Variants in SYNE2 observed in about 807,000 individuals in gnomAD.
The protein encoded by SYNE2 is nesprin-2.
A neutral mutation model predicts 856.3 loss-of-function variants in SYNE2; 431 were observed. That is an observed-to-expected ratio of 0.50 (90% CI 0.47 to 0.55). The LOEUF is 0.55. Among genes scored for constraint, SYNE2 ranks in the 20% least tolerant of loss-of-function variants. The pLI is 0.00. For missense variants in SYNE2, 8,129 were observed against 8,023.2 expected (o/e 1.01, Z -0.50); for synonymous variants, 2,923 against 2,872.3 (o/e 1.02, Z -0.56).
In SYNE2 at chr14:64,225,002, A is replaced by G; in HGVS notation, c.20473A>G (p.Arg6825Gly). 6.2e-7 allele frequency: 1 copy of G among 1,613,884 alleles called. No homozygotes were observed. The highest frequency in any genetic ancestry group is 1.3e-5 in the African/African-American group (1 of 74,948). ...CTGGAGTTTCTTTACCCAGCAGTTCAGAGCAGTGAGAACTACAGAAGGCGA... is the reference window on the plus strand; with the variant it reads ...CTGGAGTTTCTTTACCCAGCAGTTCGGAGCAGTGAGAACTACAGAAGGCGA... ...TSVPAPRAKF[R>G]AVRTTEGEEE... The change falls in exon 115 of 116, where the codon AGA (arginine) becomes GGA (glycine). Residue 6825 changes from arginine to glycine, a missense_variant. Arg to Gly is a moderately radical substitution (Grantham distance 125). Around this residue, in one of 3 missense-constraint regions of SYNE2, gnomAD observed 5,410 missense variants for 5,284.8 expected, o/e 1.02. Transcript: ENST00000555002.
intron 49 of SYNE2, among the ~76,000 whole-genome samples, chr14:64,060,131 G>T (rs1462343090): frequency 6.6e-6 from 1 of 151,726 alleles, no homozygotes; most frequent in Non-Finnish European, 1.5e-5. Flanking sequence ...AGCTCACTTA[G>T]TACTCTTCCC....
At position 64,080,756 on chromosome 14, in the gene SYNE2, G is replaced by T. The variant is rs2097514881; in HGVS notation, c.11346+118G>T. 4 of 1,293,422 alleles carry T rather than the reference G, an allele frequency of 3.1e-6. No homozygotes were observed. The Admixed American group carries it at 7.4e-5, about 24-fold the overall frequency. The allele number at this position is 1,293,422 out of a possible 1,614,324, so 80.1% of individuals were successfully genotyped here. On this transcript the variant is annotated intron_variant, in intron 56 of 115. Coordinates refer to ENST00000555002, the MANE Select transcript of SYNE2 (RefSeq NM_182914.3). ...TTGAATTATCAGTTTTGGACTTGAA[G>T]CTGGGGCCATGGTAGGCTTGTGTGG...
At chr14:63,800,566 A>G (rs553861382) in intron 1 of SYNE2, among the ~76,000 whole-genome samples, 1 of 152,332 alleles carries the variant, frequency 6.6e-6, no homozygotes, top group South Asian at 2.1e-4. Flanking sequence ...CTGGGATTAT[A>G]GGCATGAGCC....
intron 1 of SYNE2, among the ~76,000 whole-genome samples, chr14:63,888,105 T>C (rs1003107262): frequency 6.6e-6 from 1 of 152,124 alleles, no homozygotes; most frequent in African/African-American, 2.4e-5. Context: ...CTGGAAGGGC[T>C]TGTAGTGTCT....
intron 1 of SYNE2, among the ~76,000 whole-genome samples, chr14:63,815,217 CAT>C (rs1210733849): frequency 2.8e-5 from 1 of 35,192 alleles, no homozygotes; most frequent in African/African-American, 1.2e-4. Flanking sequence ...TATATATATC[CAT>C]ATATATATCC....
intron 66 of SYNE2, among the ~76,000 whole-genome samples, chr14:64,115,935 C>T (rs2097850779): frequency 6.6e-6 from 1 of 152,124 alleles, no homozygotes; most frequent in South Asian, 2.1e-4. Context: ...GGGTGGATTG[C>T]TTGAGGCCAG....
At chr14:64,000,174 A>G (rs1222095717) in intron 27 of SYNE2, among the ~76,000 whole-genome samples, 1 of 152,222 alleles carries the variant, frequency 6.6e-6, no homozygotes, top group Non-Finnish European at 1.5e-5. Flanking sequence ...ATGTAGAAAC[A>G]GTTTTGGTTC....
At chr14:64,112,546 A>G (rs1255074321) in intron 65 of SYNE2, among the ~76,000 whole-genome samples, 2 of 152,194 alleles carry the variant, frequency 1.3e-5, no homozygotes, top group African/African-American at 2.4e-5. Flanking sequence ...GAATACTTTC[A>G]TTTGGTATCT....
In SYNE2 at chr14:63,814,769, TATATATATCCATATATATCC is replaced by T. The variant is rs570381323; in HGVS notation, c.-304-37703_-304-37684del. Reference sequence around the variant, plus strand: ...CCATATATATCCATATATATATCCATATATATATCCATATATATCCATATATATCCATATATATCCATATA... The same window carrying T: ...CCATATATATCCATATATATATCCATATATATATCCATATATATCCATATA... On this transcript the variant is annotated intron_variant, in intron 1 of 23. Coordinates refer to the SYNE2 transcript ENST00000674003. Among the ~76,000 whole-genome samples, 123 of 36,554 alleles carry T rather than the reference TATATATATCCATATATATCC, an allele frequency of 3.4e-3. 1 individual carries two copies. Among genetic ancestry groups the T allele is most frequent in the African/African-American group, 6.4e-3 (93 of 14,576 alleles). The allele number at this position is 36,554 out of a possible 152,430, so 24.0% of individuals were successfully genotyped here.
Position 64,000,650 on chromosome 14 carries a change from CTT to C in SYNE2, c.3572_3573del (p.Phe1191CysfsTer3), listed in dbSNP as rs2096746950. On this transcript the variant is annotated frameshift_variant, in exon 28 of 116. Coordinates refer to ENST00000555002, the MANE Select transcript of SYNE2 (RefSeq NM_182914.3). LOFTEE classifies it high-confidence loss of function. ...AATCATGTGAATGACATAAAAAAGC[CTT>C]TTGTAATTAAGGAAAGAGACACACT... 1 of 1,613,158 alleles carries C rather than the reference CTT, an allele frequency of 6.2e-7. No homozygotes were observed. The highest frequency in any genetic ancestry group is 1.7e-5 in the Admixed American group (1 of 59,928).
chr14:64,009,300 C>G (rs1047442669), intron 31 of SYNE2, among the ~76,000 whole-genome samples: 7 of 152,072 alleles, frequency 4.6e-5, no homozygotes, highest in Non-Finnish European at 8.8e-5. Context: ...CTTTGGGAGG[C>G]CAAGGCAGGT....
chr14:63,768,143 T>A (rs1480275370), intron 1 of SYNE2, among the ~76,000 whole-genome samples: 2 of 151,848 alleles, frequency 1.3e-5, no homozygotes, highest in Non-Finnish European at 2.9e-5. Context: ...GTAGCCATGA[T>A]CATGCCACTG....
intron 96 of SYNE2, among the ~76,000 whole-genome samples, chr14:64,185,796 C>T (rs529098905): frequency 3.3e-4 from 51 of 152,312 alleles, no homozygotes; most frequent in Middle Eastern, 3.4e-3. Context: ...GCTGGGATTA[C>T]AGGTGTGAGC....
intron 1 of SYNE2, among the ~76,000 whole-genome samples, chr14:63,905,367 A>G (rs974579968): frequency 7.9e-5 from 12 of 152,150 alleles, no homozygotes; most frequent in African/African-American, 1.4e-4. Context: ...TTTGATAGCA[A>G]TGGCATTGAA....
chr14:64,148,741 T>G (rs2098211713), intron 84 of SYNE2, among the ~76,000 whole-genome samples: 1 of 152,038 alleles, frequency 6.6e-6, no homozygotes, highest in African/African-American at 2.4e-5. Context: ...TGGAAGCAAA[T>G]AAATAAAACA....
In SYNE2 at chr14:64,090,891, T is replaced by C; in HGVS notation, c.11819T>C (p.Met3940Thr). 1 of 1,614,096 alleles carries C rather than the reference T, an allele frequency of 6.2e-7. No homozygotes were observed. Among genetic ancestry groups the C allele is most frequent in the Non-Finnish European group, 8.5e-7 (1 of 1,179,964 alleles). The change falls in exon 60 of 116, where the codon ATG becomes ACG. Residue 3940 changes from methionine (M) to threonine (T), a missense_variant. By Grantham distance (81) the Met-to-Thr change is moderately conservative. Around this residue, in one of 3 missense-constraint regions of SYNE2, gnomAD observed 5,410 missense variants for 5,284.8 expected, o/e 1.02. Coordinates refer to ENST00000555002, the MANE Select transcript of SYNE2 (RefSeq NM_182914.3). ...GEVILENIRP[M>T]KKTIAEIVSY... ...GTCATACTTGAAAATATACGTCCCATGAAGAAAACCATTGCTGAGATAGTG... is the reference window on the plus strand; with the variant it reads ...GTCATACTTGAAAATATACGTCCCACGAAGAAAACCATTGCTGAGATAGTG...
At chr14:63,762,056 G>A in intron 1 of SYNE2, 1 of 502,588 alleles carries the variant, frequency 2.0e-6, no homozygotes, top group Non-Finnish European at 4.1e-6. Context: ...GGAGGCGTTG[G>A]AAAGTCTGCT....
intron 1 of SYNE2, among the ~76,000 whole-genome samples, chr14:63,814,466 T>TCATATATAATATATATGTA (rs57514233): frequency 7.5e-6 from 1 of 132,624 alleles, no homozygotes; most frequent in African/African-American, 2.8e-5. Context: ...TCCTTATATA[T>TCATATATAATATATATGTA]CATATATAAT....
chr14:64,215,073 G>C (rs1202227697), intron 106 of SYNE2, among the ~76,000 whole-genome samples: 1 of 152,078 alleles, frequency 6.6e-6, no homozygotes, highest in Non-Finnish European at 1.5e-5. Flanking sequence ...AGTGTCTGCA[G>C]ACTGAGCTTC....
Sources: allele counts gnomAD v4.1 joint callset (sites outside exome capture counted in the v4.1 genomes callset), GRCh38; gene constraint gnomAD v4.1.1; regional missense constraint gnomAD v4.1.1; transcripts MANE v1.5; gene names NCBI Gene and HGNC (gene_info 2026-07-23, HGNC 2026-07-21).